CFTR: variants seen among roughly 807,000 people sequenced by gnomAD.
CFTR encodes CF transmembrane conductance regulator, also known as cystic fibrosis transmembrane conductance regulator.
In CFTR, 181 loss-of-function variants were observed where a neutral mutation model predicts 171.6. That is an observed-to-expected ratio of 1.05 (90% CI 0.93 to 1.19). CFTR has a LOEUF of 1.19. Ranked by LOEUF, CFTR falls within the 50% of genes most tolerant of loss-of-function variation. The pLI, the probability that CFTR is intolerant of heterozygous loss-of-function variation, is 0.00. For synonymous variants in CFTR, 583 were observed against 608.0 expected (o/e 0.96, Z 0.60); for missense variants, 1,968 against 1,734.7 (o/e 1.13, Z -2.39).
chr7:117,635,294 T>G (rs2116147995), intron 22 of CFTR, among the ~76,000 whole-genome samples: 1 of 152,260 alleles, frequency 6.6e-6, no homozygotes, highest in African/African-American at 2.4e-5. Flanking sequence ...ATGACTTAAC[T>G]TTCTTTATCC....
chr7:117,514,690 G>T (rs560563298), intron 3 of CFTR, among the ~76,000 whole-genome samples: 24 of 152,044 alleles, frequency 1.6e-4, no homozygotes, highest in Non-Finnish European at 3.2e-4. Flanking sequence ...GAGATTGCTG[G>T]GTCAAATGGC....
At chr7:117,486,797 G>A (rs142292484) in intron 1 of CFTR, among the ~76,000 whole-genome samples, 281 of 147,594 alleles carry the variant, frequency 1.9e-3, no homozygotes, top group African/African-American at 6.7e-3. Flanking sequence ...ACAGGAGAGG[G>A]ACATAATCAG....
rs1410270388 is a variant in CFTR, at chr7:117,667,593, G to T, written c.*485G>T. 4.2e-6 allele frequency: 1 copy of T among 238,464 alleles called. No homozygotes were observed. The highest frequency in any genetic ancestry group is 5.2e-5 in the Admixed American group (1 of 19,368). 14.8% of individuals were successfully genotyped at this position (238,464 alleles called of 1,614,324 possible). On this transcript the variant is annotated 3_prime_UTR_variant, in exon 27 of 27. Coordinates refer to ENST00000003084, the MANE Select transcript of CFTR (RefSeq NM_000492.4). ...ATTCCTTTTTCTCTCCTCTCCCCAT[G>T]ATGTTTAGAAACACAACTATATTGT...
chr7:117,598,862 G>A (rs1792178442), intron 15 of CFTR, among the ~76,000 whole-genome samples: 1 of 152,058 alleles, frequency 6.6e-6, no homozygotes, highest in Non-Finnish European at 1.5e-5. Flanking sequence ...AGCTACATAG[G>A]CCATTTTGTG....
At chr7:117,536,490 A>G in intron 6 of CFTR, 58 bp from the exon 7 acceptor site, 2 of 1,505,480 alleles carry the variant, frequency 1.3e-6, no homozygotes, top group Non-Finnish European at 9.0e-7. Context: ...TTCTTAATAG[A>G]TAATTTGACT....
chr7:117,610,410 G>T, intron 18 of CFTR, 109 bp from the exon 19 acceptor site: 2 of 906,832 alleles, frequency 2.2e-6, no homozygotes, highest in African/African-American at 1.9e-5. Flanking sequence ...AAAAGTTTGA[G>T]GTGTTTAAAG....
chr7:117,635,639 G>T (rs768781135), intron 22 of CFTR, among the ~76,000 whole-genome samples: 16 of 151,518 alleles, frequency 1.1e-4, no homozygotes, highest in Non-Finnish European at 1.6e-4. Context: ...TTTAGTGGTT[G>T]CCCCTAGAGT....
rs397508350 is a variant in CFTR, at chr7:117,592,362, T to G, written c.2195T>G (p.Leu732Ter). ...NGIEEDSDEP[L>*]ERRLSLVPDS... ...ATCGAAGAGGATTCTGATGAGCCTT[T>G]AGAGAGAAGGCTGTCCTTAGTACCA... The change falls in exon 14 of 27, where the codon TTA becomes TGA. Residue 732 changes from leucine (L) to a stop codon, truncating the protein, a stop_gained. Transcript: ENST00000003084. LOFTEE classifies it high-confidence loss of function. 1.2e-6 allele frequency: 2 copies of G among 1,614,104 alleles called. No homozygotes were observed. Among genetic ancestry groups the G allele is most frequent in the Non-Finnish European group, 1.7e-6 (2 of 1,179,936 alleles).
chr7:117,592,192 T>G lies in CFTR; in HGVS notation c.2025T>G (p.Ala675=), dbSNP rs1792038412. 1 of 1,613,734 alleles carries G rather than the reference T, an allele frequency of 6.2e-7. No individual in the cohort carries two copies. The highest frequency in any genetic ancestry group is 1.3e-5 in the African/African-American group (1 of 74,910). Reference sequence around the variant, plus strand: ...ACCGTTTCTCATTAGAAGGAGATGCTCCTGTCTCCTGGACAGAAACAAAAA... The same window carrying G: ...ACCGTTTCTCATTAGAAGGAGATGCGCCTGTCTCCTGGACAGAAACAAAAA... ...TLHRFSLEGD[A]PVSWTETKKQ... The change falls in exon 14 of 27, where the codon GCT becomes GCG. Residue 675 remains alanine, a synonymous_variant. Coordinates refer to ENST00000003084, the MANE Select transcript of CFTR (RefSeq NM_000492.4).
intron 21 of CFTR, among the ~76,000 whole-genome samples, chr7:117,619,900 G>A (rs761997056): frequency 6.6e-6 from 1 of 151,058 alleles, no homozygotes; most frequent in Non-Finnish European, 1.5e-5. Flanking sequence ...TACTGCCTGT[G>A]TTTGTTTTGG....
chr7:117,620,697 C>A (rs1252622666), intron 21 of CFTR, among the ~76,000 whole-genome samples: 4 of 152,170 alleles, frequency 2.6e-5, no homozygotes, highest in African/African-American at 9.7e-5. Context: ...TTAGAAAATT[C>A]ACTGGTCTTT....
intron 6 of CFTR, among the ~76,000 whole-genome samples, chr7:117,535,900 A>T (rs544203982): frequency 6.6e-6 from 1 of 152,270 alleles, no homozygotes; most frequent in Admixed American, 6.5e-5. Flanking sequence ...TTTACTTGTC[A>T]GTCTCTAGAA....
intron 24 of CFTR, among the ~76,000 whole-genome samples, chr7:117,663,338 T>C (rs528941599): frequency 6.6e-6 from 1 of 152,022 alleles, no homozygotes; most frequent in African/African-American, 2.4e-5. Context: ...ATCAGAGTAG[T>C]CCCCCTTGTC....
chr7:117,597,461 T>G (rs1792149779), intron 15 of CFTR, among the ~76,000 whole-genome samples: 1 of 152,204 alleles, frequency 6.6e-6, no homozygotes, highest in African/African-American at 2.4e-5. Context: ...GGAGTTGTCT[T>G]GGGCCACACA....
intron 23 of CFTR, among the ~76,000 whole-genome samples, chr7:117,648,787 AC>A (rs2116185797): frequency 6.6e-6 from 1 of 152,198 alleles, no homozygotes; most frequent in African/African-American, 2.4e-5. Flanking sequence ...GAACTAAGAC[AC>A]CCACTGGCAC....
At chr7:117,522,478 A>G (rs1798699537) in intron 3 of CFTR, among the ~76,000 whole-genome samples, 1 of 152,260 alleles carries the variant, frequency 6.6e-6, no homozygotes, top group South Asian at 2.1e-4. Context: ...TTATTTCACC[A>G]TCACGCTGGC....
intron 10 of CFTR, 50 bp from the exon 11 acceptor site, chr7:117,559,414 T>C: frequency 8.3e-7 from 1 of 1,202,688 alleles, no homozygotes; most frequent in African/African-American, 1.5e-5. Flanking sequence ...GGCAAGTGAA[T>C]CCTGAGCGTG....
chr7:117,532,819 C>T (rs1487366642), intron 4 of CFTR, among the ~76,000 whole-genome samples: 1 of 152,168 alleles, frequency 6.6e-6, no homozygotes. Flanking sequence ...ATGGCATCAT[C>T]ACCAAAGAAG....
At chr7:117,488,058 A>G (rs1798101613) in intron 1 of CFTR, 1 of 152,160 alleles carries the variant, frequency 6.6e-6, no homozygotes, top group African/African-American at 2.4e-5. Flanking sequence ...ATACCAACAC[A>G]AAAGCATCAC....
Sources: allele counts gnomAD v4.1 joint callset (sites outside exome capture counted in the v4.1 genomes callset), GRCh38; gene constraint gnomAD v4.1.1; transcripts MANE v1.5; gene names NCBI Gene and HGNC (gene_info 2026-07-23, HGNC 2026-07-21).